The following PCDHGA3 variants were observed in gnomAD, a reference collection of about 807,000 sequenced individuals.
PCDHGA3 encodes protocadherin gamma-A3.
A neutral mutation model predicts 58.5 loss-of-function variants in PCDHGA3; 40 were observed. The observed-to-expected ratio is 0.68, with a 90% CI of 0.53 to 0.89. PCDHGA3 has a LOEUF of 0.89. Ranked by LOEUF, PCDHGA3 falls within the 40% of genes least tolerant of loss-of-function variation. PCDHGA3 has a pLI of 0.00. For missense variants in PCDHGA3, 1,223 were observed against 1,195.9 expected (o/e 1.02, Z -0.33); for synonymous variants, 530 against 525.7 (o/e 1.01, Z -0.11).
chr5:141,355,466 G>A (rs1561508995), intron 1 of PCDHGA3: 1 of 1,614,094 alleles, frequency 6.2e-7, no homozygotes, highest in Non-Finnish European at 8.5e-7. Context: ...ACCGCGGGTA[G>A]GATAGACAGG....
intron 1 of PCDHGA3, chr5:141,366,646 GC>G: frequency 6.2e-7 from 1 of 1,614,248 alleles, no homozygotes; most frequent in South Asian, 1.1e-5. Context: ...TCTTTCCCCA[GC>G]CCAACTACGC....
At chr5:141,502,666 T>C (rs962424461) in intron 2 of PCDHGA3, among the ~76,000 whole-genome samples, 10 of 152,234 alleles carry the variant, frequency 6.6e-5, no homozygotes, top group African/African-American at 2.2e-4. Context: ...CTTCATGCAA[T>C]TTTAGTATTC....
intron 1 of PCDHGA3, among the ~76,000 whole-genome samples, chr5:141,460,983 GTATATATATATA>G (rs59296681): frequency 7.3e-6 from 1 of 137,780 alleles, no homozygotes. Flanking sequence ...GTGTGTGTGT[GTATATATATATA>G]TGTGTATATA....
chr5:141,351,411 A>G (rs1285099995), intron 1 of PCDHGA3: 1 of 1,611,444 alleles, frequency 6.2e-7, no homozygotes, highest in Non-Finnish European at 8.5e-7. Flanking sequence ...TATACTCAGG[A>G]AGAAGTTCCT....
Position 141,344,212 on chromosome 5 carries a change from C to A in PCDHGA3, c.179C>A (p.Ala60Glu), listed in dbSNP as rs777942977. Residue 60 changes from alanine to glutamate, a missense_variant, in exon 1 of 4, where the codon GCG becomes GAG. Coordinates refer to ENST00000253812, the MANE Select transcript of PCDHGA3 (RefSeq NM_018916.4). ...NDLGLEPREL[A>E]ERGVRIVSRG... ...CTGGGGCTAGAGCCCCGGGAGCTGG[C>A]GGAGCGCGGAGTCCGCATCGTCTCC... 9.9e-6 allele frequency: 16 copies of A among 1,613,874 alleles called. No individual in the cohort carries two copies. The highest frequency in any genetic ancestry group is 4.0e-5 in the African/African-American group (3 of 74,916).
At chr5:141,418,045 G>A (rs754041387) in intron 1 of PCDHGA3, 2 of 1,614,002 alleles carry the variant, frequency 1.2e-6, no homozygotes, top group East Asian at 2.2e-5. Flanking sequence ...TGGATGTGTC[G>A]GCTCGCGAGC....
At chr5:141,398,670 A>T in intron 1 of PCDHGA3, 1 of 1,613,830 alleles carries the variant, frequency 6.2e-7, no homozygotes, top group Non-Finnish European at 8.5e-7. Flanking sequence ...TCTCATTAAT[A>T]ATTAAGGAGA....
chr5:141,389,191 T>A, intron 1 of PCDHGA3: 1 of 1,614,050 alleles, frequency 6.2e-7, no homozygotes, highest in Non-Finnish European at 8.5e-7. Context: ...AGTTCCAGCA[T>A]CACCCTGCAC....
intron 1 of PCDHGA3, chr5:141,378,592 C>T (rs1309988973): frequency 6.6e-6 from 1 of 152,104 alleles, no homozygotes; most frequent in Non-Finnish European, 1.5e-5. Flanking sequence ...GTAGTGTCTG[C>T]TTACAGGACA....
intron 1 of PCDHGA3, chr5:141,422,335 C>T (rs1196951059): frequency 6.5e-7 from 1 of 1,549,804 alleles, no homozygotes; most frequent in Non-Finnish European, 8.7e-7. Flanking sequence ...GATTGCTCTT[C>T]TAAATGTGCA....
intron 1 of PCDHGA3, chr5:141,390,147 G>C: frequency 6.2e-7 from 1 of 1,614,034 alleles, no homozygotes; most frequent in Non-Finnish European, 8.5e-7. Flanking sequence ...TCTATGTGTT[G>C]CACATACAGG....
chr5:141,408,869 A>T, intron 1 of PCDHGA3: 1 of 1,613,690 alleles, frequency 6.2e-7, no homozygotes, highest in Non-Finnish European at 8.5e-7. Flanking sequence ...CCCACCAAGA[A>T]GTGCCACCGC....
chr5:141,480,827 A>G (rs1455065731), intron 1 of PCDHGA3, among the ~76,000 whole-genome samples: 2 of 152,212 alleles, frequency 1.3e-5, no homozygotes, highest in Admixed American at 6.5e-5. Context: ...TGGGTGGATC[A>G]TAAGATCAGG....
chr5:141,403,530 AG>A (rs1303990777), intron 1 of PCDHGA3: 2 of 1,613,988 alleles, frequency 1.2e-6, no homozygotes. Context: ...ATAAACCCAG[AG>A]CTGGTGCTGG....
intron 1 of PCDHGA3, chr5:141,408,940 A>G: frequency 1.2e-6 from 2 of 1,613,658 alleles, no homozygotes; most frequent in Non-Finnish European, 1.7e-6. Context: ...GCAGAGACGA[A>G]TATAGAATTA....
In PCDHGA3 at chr5:141,394,984, T is replaced by C. The variant is rs777878747; in HGVS notation, c.2424+48527T>C. On this transcript the variant is annotated intron_variant, in intron 1 of 3. Transcript: ENST00000253812. ...CTGAGGCGCTGGCACAAGTCACGCC[T>C]GCTCCAGGATTCCGGTGGCAGATTG... 5 of 1,614,026 alleles carry C rather than the reference T, an allele frequency of 3.1e-6. 1 individual carries two copies. In the South Asian group the frequency reaches 4.4e-5, roughly 14 times the overall value.
intron 1 of PCDHGA3, among the ~76,000 whole-genome samples, chr5:141,474,248 A>G (rs2099346089): frequency 6.6e-6 from 1 of 152,220 alleles, no homozygotes; most frequent in African/African-American, 2.4e-5. Context: ...TAGGGGAAAA[A>G]AAGACTGATA....
chr5:141,409,198 A>T, intron 1 of PCDHGA3: 1 of 1,614,010 alleles, frequency 6.2e-7, no homozygotes, highest in South Asian at 1.1e-5. Flanking sequence ...CCCAGTGTAA[A>T]GTAATCATAG....
chr5:141,499,012 G>GGAAGGAAT, intron 2 of PCDHGA3, among the ~76,000 whole-genome samples: 1 of 147,618 alleles, frequency 6.8e-6, no homozygotes. Context: ...AAGGAAGGAA[G>GGAAGGAAT]GAAGGAAGGA....
Sources: gnomAD v4.1 joint callset for allele counts (sites outside exome capture counted in the v4.1 genomes callset) on GRCh38, gnomAD v4.1.1 for gene constraint, MANE v1.5 for transcripts, NCBI Gene and HGNC (gene_info 2026-07-23, HGNC 2026-07-21) for gene names.